Variants in BRI3 observed in about 807,000 individuals in gnomAD.
The protein encoded by BRI3 is brain protein I3.
In BRI3, 6 loss-of-function variants were observed where a neutral mutation model predicts 12.8. That is an observed-to-expected ratio of 0.47 (90% confidence interval 0.26 to 0.93). BRI3 has a LOEUF of 0.93. BRI3 is among the 40% of genes least tolerant of loss of function. The pLI is 0.15. For synonymous variants in BRI3, 91 were observed against 76.1 expected (o/e 1.20, Z -1.02); for missense variants, 134 against 171.1 (o/e 0.78, Z 1.21).
chr7:98,284,100 G>A (rs962514682), intron 2 of BRI3, among the ~76,000 whole-genome samples: 1 of 152,232 alleles, frequency 6.6e-6, no homozygotes, highest in Non-Finnish European at 1.5e-5. Context: ...GGCCCTCAGA[G>A]GCTGTAGGGG....
the BRI3 span, among the ~76,000 whole-genome samples, chr7:98,317,762 C>A: frequency 6.8e-6 from 1 of 147,912 alleles, no homozygotes; most frequent in South Asian, 2.2e-4. Flanking sequence ...CCACACAGTT[C>A]ACATCATCCT....
At chr7:98,308,344 G>A (rs1226254138) in exon 2 of BRI3, 2 of 453,670 alleles carry the variant, frequency 4.4e-6, no homozygotes, top group South Asian at 1.6e-5. Flanking sequence ...AATGCAGTTG[G>A]TCTTGCCATG....
downstream of BRI3, among the ~76,000 whole-genome samples, chr7:98,296,833 A>ACGGTG (rs1377963433): frequency 6.6e-6 from 1 of 152,204 alleles, no homozygotes; most frequent in Non-Finnish European, 1.5e-5. Flanking sequence ...CTTGGCACAT[A>ACGGTG]CGGTGCCTCT....
chr7:98,320,019 C>T, the BRI3 span: 2 of 1,556,664 alleles, frequency 1.3e-6, no homozygotes, highest in South Asian at 1.2e-5. Flanking sequence ...GGAGGTCAGG[C>T]AGCCCAAGGC....
downstream of BRI3, among the ~76,000 whole-genome samples, chr7:98,311,154 G>T (rs1037513952): frequency 1.3e-5 from 2 of 152,132 alleles, no homozygotes; most frequent in South Asian, 4.1e-4. Flanking sequence ...AGTGCCTTAC[G>T]TTGTGATGAA....
At chr7:98,313,114 TCCCCAAATGCCACCCCAC>T (rs1800932341), downstream of BRI3, among the ~76,000 whole-genome samples, 1 of 145,560 alleles carries the variant, frequency 6.9e-6, no homozygotes, top group Admixed American at 6.9e-5. Context: ...ACCACCCCTG[TCCCCAAATGCCACCCCAC>T]CCCCAACTGT....
upstream of BRI3, among the ~76,000 whole-genome samples, chr7:98,302,137 G>A (rs1443936290): frequency 6.6e-6 from 1 of 152,236 alleles, no homozygotes; most frequent in Non-Finnish European, 1.5e-5. Context: ...TAAGTAAGGA[G>A]GAATCTGTCA....
downstream of BRI3, among the ~76,000 whole-genome samples, chr7:98,313,043 A>G (rs1243010767): frequency 6.6e-6 from 1 of 151,808 alleles, no homozygotes; most frequent in Non-Finnish European, 1.5e-5. Context: ...TCAGCCTCTG[A>G]GTTTATCAAG....
exon 2 of BRI3, chr7:98,307,700 G>A (rs147254651): frequency 1.5e-5 from 25 of 1,614,048 alleles, no homozygotes; most frequent in South Asian, 6.6e-5. Context: ...CCTTGGACAC[G>A]TCGTGTTCTC....
intron 2 of BRI3, among the ~76,000 whole-genome samples, chr7:98,287,350 G>T (rs996789182): frequency 1.3e-5 from 2 of 152,240 alleles, no homozygotes; most frequent in Non-Finnish European, 2.9e-5. Flanking sequence ...CTCAGGCCAG[G>T]GTGGCACAAA....
intron 2 of BRI3, chr7:98,282,696 T>C (rs1389135768): frequency 2.0e-6 from 1 of 499,254 alleles, no homozygotes; most frequent in Non-Finnish European, 3.6e-6. Context: ...TCCTAGATCT[T>C]GGGGCATTGC....
At chr7:98,317,270 C>G in the BRI3 span, 2 of 1,614,200 alleles carry the variant, frequency 1.2e-6, no homozygotes, top group Non-Finnish European at 1.7e-6. Flanking sequence ...CTTGGCTTTT[C>G]CTTCTGATCT....
chr7:98,320,846 G>A, the BRI3 span, among the ~76,000 whole-genome samples: 2 of 136,246 alleles, frequency 1.5e-5, no homozygotes, highest in African/African-American at 2.5e-5. Context: ...AAATTCACAT[G>A]AGTCTTTCTG....
chr7:98,313,836 C>T (rs1800970625), downstream of BRI3, among the ~76,000 whole-genome samples: 3 of 150,668 alleles, frequency 2.0e-5, 1 homozygote, highest in South Asian at 6.3e-4. Context: ...CGCTATGCTG[C>T]CCAGGCTGGT....
exon 2 of BRI3, chr7:98,309,181 C>G (rs147619640): frequency 1.3e-5 from 2 of 152,202 alleles, no homozygotes; most frequent in Non-Finnish European, 2.9e-5. Flanking sequence ...GACAGAGTCT[C>G]GCTCTGTCGC....
At chr7:98,294,837 G>A (rs1219840981), downstream of BRI3, among the ~76,000 whole-genome samples, 4 of 152,220 alleles carry the variant, frequency 2.6e-5, no homozygotes, top group Admixed American at 2.6e-4. Flanking sequence ...AAGTGCAAAG[G>A]TGCCTACAGG....
At chr7:98,305,045 TTG>T (rs1347788601), upstream of BRI3, among the ~76,000 whole-genome samples, 868 of 119,720 alleles carry the variant, frequency 7.3e-3, 12 homozygotes, top group African/African-American at 0.033. Flanking sequence ...TTTTTGTTTT[TTG>T]TTTTTTTTTT....
chr7:98,292,814 G>C, downstream of BRI3: 1 of 1,509,618 alleles, frequency 6.6e-7, no homozygotes, highest in Admixed American at 2.2e-5. Flanking sequence ...CTGTGTCCTG[G>C]ATGGGCCGTG....
rs778598033 is a variant in BRI3, at chr7:98,291,186, T to C, written c.321T>C (p.Ile107=). The C allele has an allele frequency of 6.2e-7, 1 of 1,614,138 alleles. No homozygotes were observed. The highest frequency in any genetic ancestry group is 2.2e-5 in the East Asian group (1 of 44,886). The change falls in exon 3 of 3, where the codon ATT becomes ATC. Residue 107 remains isoleucine (I), a synonymous_variant. Coordinates refer to ENST00000297290, the MANE Select transcript of BRI3 (RefSeq NM_015379.5). ...LAIILFPFGF[I]CCFALRKRRC... is the part of the protein sequence containing the mutation. ...TCATCCTCTTCCCCTTTGGGTTCAT[T>C]TGCTGTTTTGCCTTGAGGAAGCGAC...
Sources: gnomAD v4.1 joint callset for allele counts (sites outside exome capture counted in the v4.1 genomes callset) on GRCh38, gnomAD v4.1.1 for gene constraint, MANE v1.5 for transcripts, NCBI Gene and HGNC (gene_info 2026-07-23, HGNC 2026-07-21) for gene names.